NPAS3: variants seen among roughly 807,000 people sequenced by gnomAD.
NPAS3 encodes neuronal PAS domain protein 3, also known as neuronal PAS domain-containing protein 3.
NPAS3 carries 14 observed loss-of-function variants against 73.1 expected under a neutral mutation model. That is an observed-to-expected ratio of 0.19 (90% CI 0.13 to 0.30). NPAS3 has a LOEUF of 0.30. Among genes scored for constraint, NPAS3 ranks in the 10% least tolerant of loss-of-function variants. The pLI, the probability that NPAS3 is intolerant of heterozygous loss-of-function variation, is 1.00. For synonymous variants in NPAS3, 620 were observed against 541.5 expected, an observed-to-expected ratio of 1.14 and a Z score of -2.01; for missense variants, 1,096 against 1,250.0, an observed-to-expected ratio of 0.88 and a Z score of 1.86.
At chr14:33,456,331 C>T (rs1398350670) in intron 4 of NPAS3, among the ~76,000 whole-genome samples, 1 of 152,052 alleles carries the variant, frequency 6.6e-6, no homozygotes, top group Non-Finnish European at 1.5e-5. Context: ...ATTTTCATGG[C>T]GGCTATTTTA....
intron 4 of NPAS3, among the ~76,000 whole-genome samples, chr14:33,498,682 C>T (rs1413139838): frequency 6.9e-6 from 1 of 144,616 alleles, no homozygotes; most frequent in Non-Finnish European, 1.5e-5. Flanking sequence ...CATACTGTGG[C>T]CTGTTGGGGG....
chr14:33,216,109 G>A (rs74841456), intron 3 of NPAS3, among the ~76,000 whole-genome samples: 4,002 of 152,080 alleles, frequency 0.026, 139 homozygotes, highest in African/African-American at 0.089. Flanking sequence ...AATATGCATG[G>A]ATATATTTAT....
intron 9 of NPAS3, among the ~76,000 whole-genome samples, chr14:33,785,810 T>C (rs983126468): frequency 6.6e-6 from 1 of 152,130 alleles, no homozygotes; most frequent in African/African-American, 2.4e-5. Context: ...TGGTTACAAG[T>C]AACAGAAAAT....
chr14:33,657,055 C>T (rs2059164206), intron 5 of NPAS3, among the ~76,000 whole-genome samples: 1 of 152,156 alleles, frequency 6.6e-6, no homozygotes, highest in Non-Finnish European at 1.5e-5. Flanking sequence ...TAGATCCTGC[C>T]ATTTGTAATG....
At chr14:33,459,056 TC>T (rs1329244654) in intron 4 of NPAS3, among the ~76,000 whole-genome samples, 3 of 152,236 alleles carry the variant, frequency 2.0e-5, no homozygotes, top group African/African-American at 7.2e-5. Context: ...ATTCATGCCT[TC>T]CCTTTTTAGA....
chr14:33,033,873 A>G (rs1425108717), intron 1 of NPAS3, among the ~76,000 whole-genome samples: 1 of 152,242 alleles, frequency 6.6e-6, no homozygotes, highest in Non-Finnish European at 1.5e-5. Context: ...TATAGGCACA[A>G]TTATCCACTG....
intron 6 of NPAS3, among the ~76,000 whole-genome samples, chr14:33,731,098 T>C (rs1171518421): frequency 6.6e-6 from 1 of 152,056 alleles, no homozygotes; most frequent in East Asian, 1.9e-4. Flanking sequence ...GTTCTGACAC[T>C]TTAATTACAG....
Position 33,328,399 on chromosome 14 carries a change from CTCTATTTTA to C in NPAS3, c.386-38785_386-38777del. On this transcript the variant is annotated intron_variant, in intron 3 of 11. Transcript: ENST00000356141. The stretch of plus-strand genomic sequence containing the variant: ...ATTTTATTTGTTTTTCCTGTTTTTT[CTCTATTTTA>C]TTTATTGATGTTTTTATCTTTCTTT... Among the ~76,000 whole-genome samples, 3 of 141,798 alleles carry C rather than the reference CTCTATTTTA, an allele frequency of 2.1e-5. No homozygotes were observed. The Middle Eastern group carries it at 0.011, about 506-fold the overall frequency. 93.0% of individuals were successfully genotyped at this position (141,798 alleles called of 152,430 possible). A position where few individuals can be genotyped will look rare whatever the true frequency, so the allele number is the denominator to read the frequency against.
chr14:33,292,012 TC>T (rs2140113296), intron 3 of NPAS3, among the ~76,000 whole-genome samples: 1 of 152,266 alleles, frequency 6.6e-6, no homozygotes, highest in African/African-American at 2.4e-5. Context: ...CTTTGATAAA[TC>T]AAAAAGGATG....
intron 9 of NPAS3, among the ~76,000 whole-genome samples, chr14:33,784,755 T>TTTTTTTTTTTTTTTTTTTTG (rs2063113043): frequency 8.0e-6 from 1 of 125,084 alleles, no homozygotes; most frequent in African/African-American, 3.2e-5. Flanking sequence ...ATTTTTTTTT[T>TTTTTTTTTTTTTTTTTTTTG]TTTTTTTTTT....
At chr14:33,516,050 T>C (rs2053281593) in intron 4 of NPAS3, among the ~76,000 whole-genome samples, 1 of 151,926 alleles carries the variant, frequency 6.6e-6, no homozygotes, top group Non-Finnish European at 1.5e-5. Context: ...GCACACACTC[T>C]TAACCCTCAT....
rs566265273 is a variant in NPAS3, at chr14:33,021,884, G to A, written c.51-34021G>A. On this transcript the variant is annotated intron_variant, in intron 1 of 11. Coordinates refer to ENST00000356141, the Ensembl canonical transcript of NPAS3. ...AACTGTTACCATTGATGACGAACAC[G>A]TATTTTATACATGTAAAGGCTATCC... Among the ~76,000 whole-genome samples, 33 of 152,268 alleles carry A rather than the reference G, an allele frequency of 2.2e-4. No individual in the cohort carries two copies. In the South Asian group the frequency reaches 6.8e-3, roughly 32 times the overall value.
At chr14:33,449,770 C>T (rs1443472896) in intron 4 of NPAS3, among the ~76,000 whole-genome samples, 1 of 152,186 alleles carries the variant, frequency 6.6e-6, no homozygotes, top group African/African-American at 2.4e-5. Flanking sequence ...CCCCCCCAGG[C>T]TCTGTCTTAA....
intron 1 of NPAS3, among the ~76,000 whole-genome samples, chr14:33,045,741 G>A (rs1272965537): frequency 1.3e-5 from 2 of 152,182 alleles, no homozygotes; most frequent in Admixed American, 6.5e-5. Flanking sequence ...ATGGGGTAAA[G>A]GCTTAACAAA....
intron 5 of NPAS3, among the ~76,000 whole-genome samples, chr14:33,605,887 G>T (rs909624644): frequency 6.6e-5 from 10 of 151,926 alleles, no homozygotes; most frequent in Admixed American, 2.0e-4. Flanking sequence ...ATTCACAGGG[G>T]TATGCAAGTA....
intron 6 of NPAS3, among the ~76,000 whole-genome samples, chr14:33,695,878 C>G (rs17101729): frequency 0.018 from 2,714 of 152,320 alleles, 76 homozygotes; most frequent in African/African-American, 0.062. Context: ...ACAGCTGTAA[C>G]TGTGGGGTTT....
intron 2 of NPAS3, among the ~76,000 whole-genome samples, chr14:33,196,839 T>G (rs2139549114): frequency 6.6e-6 from 1 of 152,326 alleles, no homozygotes; most frequent in African/African-American, 2.4e-5. Context: ...CATTTTCTGC[T>G]TGTCATCTCT....
At chr14:33,713,868 C>T (rs908933678) in intron 6 of NPAS3, among the ~76,000 whole-genome samples, 5 of 152,196 alleles carry the variant, frequency 3.3e-5, no homozygotes, top group African/African-American at 1.2e-4. Context: ...TTATCGCCAT[C>T]ACTTTTCCTC....
At position 33,800,657 on chromosome 14, in the gene NPAS3, T is replaced by C. The variant is rs757236482; in HGVS notation, c.2350T>C (p.Leu784=). The C allele has an allele frequency of 2.6e-5, 40 of 1,537,786 alleles. No homozygotes were observed. Among genetic ancestry groups the C allele is most frequent in the Admixed American group, 6.0e-5 (3 of 49,738 alleles). The change falls in exon 12 of 12, where the codon TTG becomes CTG. Residue 784 remains leucine (L), a synonymous_variant. Transcript: ENST00000356141. The surrounding 1 kb of genome is among the most constrained non-coding windows in gnomAD (Gnocchi z 6.5). ...CGGCGGCCCCAGCGCGTCCAACTCC[T>C]TGCTGTACACTGGGGACCTGGAGGC...
Sources: allele counts gnomAD v4.1 joint callset (sites outside exome capture counted in the v4.1 genomes callset), GRCh38; gene constraint gnomAD v4.1.1; non-coding constraint Gnocchi (gnomAD v3.1); transcripts MANE v1.5; gene names NCBI Gene and HGNC (gene_info 2026-07-23, HGNC 2026-07-21).